Variants in WWOX observed in about 807,000 individuals in gnomAD.
The protein encoded by WWOX is WW domain containing oxidoreductase.
A neutral mutation model predicts 46.2 loss-of-function variants in WWOX; 69 were observed. The ratio of observed to expected loss-of-function variants is 1.49; its 90% CI spans 1.23 to 1.82. WWOX has a LOEUF of 1.82. WWOX is among the 40% of genes most tolerant of loss of function. WWOX has a pLI of 0.00. For missense variants in WWOX, 919 were observed against 542.6 expected, an observed-to-expected ratio of 1.69 and a Z score of -6.89; for synonymous variants, 359 against 202.6, an observed-to-expected ratio of 1.77 and a Z score of -6.56.
At chr16:78,876,821 T>C (rs1199357648) in intron 8 of WWOX, among the ~76,000 whole-genome samples, 1 of 152,188 alleles carries the variant, frequency 6.6e-6, no homozygotes, top group African/African-American at 2.4e-5. Flanking sequence ...CAAACAGATA[T>C]TTTCATCTTA....
At chr16:78,685,208 T>G (rs1335798918) in intron 8 of WWOX, among the ~76,000 whole-genome samples, 1 of 152,196 alleles carries the variant, frequency 6.6e-6, no homozygotes, top group African/African-American at 2.4e-5. Context: ...TTGTCCACCC[T>G]CAGCCAGGGC....
intron 8 of WWOX, among the ~76,000 whole-genome samples, chr16:79,123,314 TAGGCGTGATC>T (rs2049678827): frequency 6.6e-6 from 1 of 152,104 alleles, no homozygotes; most frequent in Non-Finnish European, 1.5e-5. Flanking sequence ...ATTACCAACG[TAGGCGTGATC>T]AGGCCCATAA....
intron 8 of WWOX, among the ~76,000 whole-genome samples, chr16:78,489,608 C>G (rs1162312760): frequency 6.6e-6 from 1 of 152,082 alleles, no homozygotes; most frequent in African/African-American, 2.4e-5. Context: ...CTTCTATTTC[C>G]AGAACCTTCT....
intron 8 of WWOX, among the ~76,000 whole-genome samples, chr16:78,833,788 G>A (rs780029652): frequency 6.6e-6 from 1 of 152,210 alleles, no homozygotes; most frequent in Non-Finnish European, 1.5e-5. Flanking sequence ...AAGAGGATCC[G>A]ATAAATTACC....
At chr16:79,000,131 T>G (rs2047065171) in intron 8 of WWOX, among the ~76,000 whole-genome samples, 1 of 152,168 alleles carries the variant, frequency 6.6e-6, no homozygotes, top group Admixed American at 6.6e-5. Flanking sequence ...CTGCTGCTCC[T>G]TTGTCCAGAC....
intron 8 of WWOX, among the ~76,000 whole-genome samples, chr16:79,100,316 G>T (rs1248634768): frequency 6.6e-6 from 1 of 152,206 alleles, no homozygotes. Flanking sequence ...CTGAATTTTT[G>T]TTCCTAAAAC....
intron 7 of WWOX, among the ~76,000 whole-genome samples, chr16:78,428,122 T>C (rs1236584100): frequency 2.0e-5 from 3 of 152,172 alleles, no homozygotes; most frequent in African/African-American, 4.8e-5. Context: ...AAATACAAGA[T>C]TTGTGAGGGG....
chr16:78,231,376 C>A (rs556303937), intron 5 of WWOX, among the ~76,000 whole-genome samples: 2 of 152,172 alleles, frequency 1.3e-5, no homozygotes, highest in Admixed American at 6.5e-5. Context: ...GCAAATTAAT[C>A]AACTTGCAGC....
chr16:78,461,732 A>T (rs1288427454), intron 8 of WWOX, among the ~76,000 whole-genome samples: 1 of 152,224 alleles, frequency 6.6e-6, no homozygotes, highest in Non-Finnish European at 1.5e-5. Context: ...CCTATGAATT[A>T]TACCTTATTT....
At chr16:78,794,868 G>C (rs1293453417) in intron 8 of WWOX, among the ~76,000 whole-genome samples, 3 of 152,252 alleles carry the variant, frequency 2.0e-5, no homozygotes, top group Non-Finnish European at 2.9e-5. Flanking sequence ...GTCTGACTTT[G>C]ACTGGGTTAG....
intron 8 of WWOX, among the ~76,000 whole-genome samples, chr16:78,649,320 G>T (rs554448132): frequency 6.6e-6 from 1 of 151,956 alleles, no homozygotes; most frequent in African/African-American, 2.4e-5. Context: ...GTTTCACACT[G>T]TTTACCAGAT....
intron 5 of WWOX, among the ~76,000 whole-genome samples, chr16:78,377,338 T>G (rs146927626): frequency 2.0e-5 from 3 of 152,376 alleles, no homozygotes; most frequent in Non-Finnish European, 4.4e-5. Flanking sequence ...TTCTTTATCA[T>G]ATGAATTTAC....
chr16:78,275,752 T>C (rs1311089517), intron 5 of WWOX, among the ~76,000 whole-genome samples: 1 of 152,172 alleles, frequency 6.6e-6, no homozygotes, highest in African/African-American at 2.4e-5. Context: ...TTCCTTTTGG[T>C]ATTTGTCCCT....
chr16:78,571,434 C>T (rs567273416), intron 8 of WWOX, among the ~76,000 whole-genome samples: 4 of 152,240 alleles, frequency 2.6e-5, no homozygotes, highest in African/African-American at 9.6e-5. Context: ...TATGTTTTAA[C>T]TTTATTAATA....
At chr16:78,405,819 G>A (rs955644530) in intron 6 of WWOX, among the ~76,000 whole-genome samples, 1 of 152,100 alleles carries the variant, frequency 6.6e-6, no homozygotes, top group South Asian at 2.1e-4. Context: ...CACAGCTGTG[G>A]CTCAGAGGGG....
intron 1 of WWOX, among the ~76,000 whole-genome samples, chr16:78,101,368 A>C (rs151003637): frequency 0.18 from 4,273 of 23,604 alleles, 325 homozygotes; most frequent in African/African-American, 0.27. Context: ...TTTTTTAAAG[A>C]CAGGGTCTCG....
intron 8 of WWOX, among the ~76,000 whole-genome samples, chr16:78,574,221 A>G (rs1349025876): frequency 6.6e-6 from 1 of 152,212 alleles, no homozygotes; most frequent in East Asian, 1.9e-4. Context: ...TTGGTCAACA[A>G]GATGGTGTCT....
chr16:78,176,963 C>T (rs1350606517), intron 5 of WWOX, among the ~76,000 whole-genome samples: 1 of 152,276 alleles, frequency 6.6e-6, no homozygotes, highest in South Asian at 2.1e-4. Context: ...TGGTCCCTGA[C>T]CTGCAGCATC....
At chr16:79,079,763 T>G (rs907955910) in intron 8 of WWOX, among the ~76,000 whole-genome samples, 5 of 152,202 alleles carry the variant, frequency 3.3e-5, no homozygotes, top group Non-Finnish European at 4.4e-5. Flanking sequence ...ATATCATTAT[T>G]TTGCAGACAC....
Sources: gnomAD v4.1 joint callset for allele counts (sites outside exome capture counted in the v4.1 genomes callset) on GRCh38, gnomAD v4.1.1 for gene constraint, MANE v1.5 for transcripts, NCBI Gene and HGNC (gene_info 2026-07-23, HGNC 2026-07-21) for gene names.